GSDMB: variants seen among roughly 807,000 people sequenced by gnomAD.
GSDMB encodes gasdermin-B.
A neutral mutation model predicts 42.9 loss-of-function variants in GSDMB; 32 were observed. That is an observed-to-expected ratio of 0.75 (90% CI 0.56 to 1.00). The LOEUF (loss-of-function observed/expected upper bound fraction) is 1.00. GSDMB is among the 50% of genes least tolerant of loss of function. The pLI is 0.00. For synonymous variants in GSDMB, 175 were observed against 193.7 expected, an observed-to-expected ratio of 0.90 and a Z score of 0.80; for missense variants, 468 against 498.5, an observed-to-expected ratio of 0.94 and a Z score of 0.58.
At chr17:39,916,428 G>A (rs1275833906) in intron 2 of GSDMB, among the ~76,000 whole-genome samples, 13 of 151,462 alleles carry the variant, frequency 8.6e-5, no homozygotes, top group South Asian at 4.2e-4. Context: ...GACTACAGGC[G>A]CATGCCACCA....
intron 1 of GSDMB, chr17:39,917,640 T>C: frequency 3.1e-6 from 1 of 321,738 alleles, no homozygotes; most frequent in Non-Finnish European, 6.0e-6. Flanking sequence ...CTTAAGAAGG[T>C]ACTTTGTAAT....
At position 39,908,034 on chromosome 17, in the gene GSDMB, T is replaced by C. The variant is rs1123644; in HGVS notation, c.700+142A>G. ...ATCCAGACTCTTCAACAGGCTAATT[T>C]TTCCCCTGCGCTTGCCATGGTTCCC... is the stretch of plus-strand genomic sequence containing the variant. On this transcript the variant is annotated intron_variant, in intron 6 of 10. Coordinates refer to ENST00000418519, the MANE Select transcript of GSDMB (RefSeq NM_001165958.2). 2.9e-3 allele frequency: 1,877 copies of C among 649,604 alleles called. 25 individuals are homozygous for C. The African/African-American group carries it at 0.03, about 10-fold the overall frequency. 40.2% of individuals were successfully genotyped at this position (649,604 alleles called of 1,614,324 possible).
In GSDMB at chr17:39,912,467, T is replaced by C. The variant is rs1455118785; in HGVS notation, c.266A>G (p.Asn89Ser). 2.5e-6 allele frequency: 4 copies of C among 1,612,940 alleles called. No homozygotes were observed. Among genetic ancestry groups the C allele is most frequent in the Admixed American group, 1.7e-5 (1 of 60,014 alleles). ...GQKAEFQILD[N>S]VDSTGELIVR... is the part of the protein sequence containing the mutation. Reference sequence around the variant, plus strand: ...TATCAACTCTCCCGTTGAGTCTACATTATCCAGAATTTGAAACTCAGCCTT... The same window carrying C: ...TATCAACTCTCCCGTTGAGTCTACACTATCCAGAATTTGAAACTCAGCCTT... Residue 89 changes from asparagine to serine, a missense_variant, in exon 3 of 11, where the codon AAT (asparagine) becomes AGT (serine). By Grantham distance (46) the Asn-to-Ser change is conservative (BLOSUM62 1). Coordinates refer to ENST00000418519, the MANE Select transcript of GSDMB (RefSeq NM_001165958.2).
At chr17:39,907,149 T>C (rs1348425275) in intron 6 of GSDMB, 162 bp from the exon 7 acceptor site, 2 of 1,462,286 alleles carry the variant, frequency 1.4e-6, no homozygotes, top group African/African-American at 1.4e-5. Flanking sequence ...GGGAAAGCAC[T>C]GTATTTGCAG....
chr17:39,910,559 T>C (rs943249213), intron 3 of GSDMB, among the ~76,000 whole-genome samples: 1 of 151,988 alleles, frequency 6.6e-6, no homozygotes, highest in Non-Finnish European at 1.5e-5. Flanking sequence ...TCAGTGTAAG[T>C]CCAAAGAGAG....
Position 39,909,931 on chromosome 17 carries a change from A to C in GSDMB, c.408-7T>G. ...TAGTTCCCTCTTCAGCTTCCTGGAGAGAGTGGAGAGAGATGAGAGTTAAGG... is the reference window on the plus strand; with the variant it reads ...TAGTTCCCTCTTCAGCTTCCTGGAGCGAGTGGAGAGAGATGAGAGTTAAGG... On this transcript the variant is annotated splice_region_variant and splice_polypyrimidine_tract_variant and intron_variant, in intron 3 of 10. Coordinates refer to ENST00000418519, the MANE Select transcript of GSDMB (RefSeq NM_001165958.2). 1 of 1,610,084 alleles carries C rather than the reference A, an allele frequency of 6.2e-7. No homozygotes were observed. Among genetic ancestry groups the C allele is most frequent in the East Asian group, 2.2e-5 (1 of 44,842 alleles).
chr17:39,906,829 T>G, intron 7 of GSDMB, 132 bp downstream of exon 7: 1 of 1,528,584 alleles, frequency 6.5e-7, no homozygotes, highest in Non-Finnish European at 8.8e-7. Flanking sequence ...AGACTAAAGT[T>G]GAAACCTGCT....
intron 3 of GSDMB, among the ~76,000 whole-genome samples, chr17:39,911,223 T>G (rs539957399): frequency 5.7e-4 from 84 of 148,170 alleles, no homozygotes; most frequent in African/African-American, 2.1e-3. Context: ...CTCGGGAGGT[T>G]GAGGCAGAAG....
In GSDMB at chr17:39,912,319, A is replaced by T. The variant is rs373244890; in HGVS notation, c.407+7T>A. On this transcript the variant is annotated splice_region_variant and intron_variant, in intron 3 of 10. Transcript: ENST00000418519. ...CCTCCTTCCCTGCTGCCCAACTCCAACCTCACCTGTTTTCAAGGGTAGCCA... is the reference window on the plus strand; with the variant it reads ...CCTCCTTCCCTGCTGCCCAACTCCATCCTCACCTGTTTTCAAGGGTAGCCA... 1.2e-5 allele frequency: 20 copies of T among 1,611,506 alleles called. No homozygotes were observed. The African/African-American group carries it at 2.3e-4, about 18-fold the overall frequency.
chr17:39,915,380 T>C (rs755215830), intron 2 of GSDMB, among the ~76,000 whole-genome samples: 5 of 152,218 alleles, frequency 3.3e-5, no homozygotes, highest in Non-Finnish European at 5.9e-5. Flanking sequence ...TTCCCATCAT[T>C]GTAAGGATTT....
intron 3 of GSDMB, among the ~76,000 whole-genome samples, chr17:39,910,383 A>G (rs1241539406): frequency 2.0e-5 from 3 of 152,172 alleles, no homozygotes; most frequent in Non-Finnish European, 4.4e-5. Flanking sequence ...GGAAGATTAC[A>G]ATGTGCCAGC....
At position 39,904,697 on chromosome 17, in the gene GSDMB, T is replaced by A. The variant is rs946400725; in HGVS notation, c.*115A>T. On this transcript the variant is annotated 3_prime_UTR_variant, in exon 11 of 11. Transcript: ENST00000418519. ...CGAATGGGATACATCAAAGAATGGT[T>A]GGCTGCTTGTTTTAAAGAGGTCCCA... is the stretch of plus-strand genomic sequence containing the variant. 4 of 814,050 alleles carry A rather than the reference T, an allele frequency of 4.9e-6. No homozygotes were observed. In the African/African-American group the frequency reaches 6.9e-5, roughly 14 times the overall value. The allele number at this position is 814,050 out of a possible 1,614,324, so 50.4% of individuals were successfully genotyped here. A position where few individuals can be genotyped will look rare whatever the true frequency, so the allele number is the denominator to read the frequency against.
chr17:39,913,801 C>CG (rs1212080459), intron 2 of GSDMB, among the ~76,000 whole-genome samples: 1 of 152,144 alleles, frequency 6.6e-6, no homozygotes, highest in East Asian at 1.9e-4. Flanking sequence ...GAAGGGGCTG[C>CG]GTGCCTTTGT....
At chr17:39,912,579 A>C (rs2063632135) in intron 2 of GSDMB, 82 bp from the exon 3 acceptor site, 3 of 1,098,026 alleles carry the variant, frequency 2.7e-6, no homozygotes, top group Admixed American at 3.7e-5. Context: ...GGGCAGCCCC[A>C]TCCTGGGTTC....
rs9890819 is a variant in GSDMB at position 39,906,734 on chromosome 17, G to A, written c.727+227C>T. 9.1e-4 allele frequency: 1,169 copies of A among 1,286,018 alleles called. 9 individuals are homozygous for A. The African/African-American group carries it at 0.015, about 17-fold the overall frequency. 79.7% of individuals were successfully genotyped at this position (1,286,018 alleles called of 1,614,324 possible). Reference sequence around the variant, plus strand: ...GAGTTTCTGGAGACGGGACTCAGTCGTCACTAGTTTTAAAGTTTCCTGGTG... The same window carrying A: ...GAGTTTCTGGAGACGGGACTCAGTCATCACTAGTTTTAAAGTTTCCTGGTG... On this transcript the variant is annotated intron_variant, in intron 7 of 10. Coordinates refer to ENST00000418519, the MANE Select transcript of GSDMB (RefSeq NM_001165958.2).
intron 5 of GSDMB, among the ~76,000 whole-genome samples, chr17:39,908,643 G>A (rs1448907613): frequency 6.6e-6 from 1 of 152,188 alleles, no homozygotes; most frequent in Admixed American, 6.5e-5. Flanking sequence ...GCCTCCCAAA[G>A]TGCTGGGATT....
In GSDMB at chr17:39,904,788, T is replaced by C; in HGVS notation, c.*24A>G. 1 of 1,609,612 alleles carries C rather than the reference T, an allele frequency of 6.2e-7. No individual in the cohort carries two copies. The highest frequency in any genetic ancestry group is 8.5e-7 in the Non-Finnish European group (1 of 1,176,618). On this transcript the variant is annotated 3_prime_UTR_variant, in exon 11 of 11. Transcript: ENST00000418519. ...CTGGTAAAGGGAAAACCCAGAGGCT[T>C]GTGGGGAGAAAGGGCTTTTGTAGTT...
Position 39,917,320 on chromosome 17 carries a change from G to A in GSDMB, c.-4C>T, listed in dbSNP as rs770099340. On this transcript the variant is annotated 5_prime_UTR_variant, in exon 2 of 11. Coordinates refer to ENST00000418519, the MANE Select transcript of GSDMB (RefSeq NM_001165958.2). ...TTTCCTCAAATACGCTGAACATTGC[G>A]CCTGGACCAACTCAGAAACAGAAGC... is the stretch of plus-strand genomic sequence containing the variant. 2.5e-5 allele frequency: 39 copies of A among 1,583,544 alleles called. No individual in the cohort carries two copies. Among genetic ancestry groups the A allele is most frequent in the African/African-American group, 2.4e-4 (18 of 74,250 alleles).
chr17:39,906,359 A>G, intron 7 of GSDMB, 88 bp from the exon 8 acceptor site: 3 of 1,273,164 alleles, frequency 2.4e-6, no homozygotes, highest in Admixed American at 4.3e-5. Flanking sequence ...TGTCTTCTGG[A>G]GACCACCTCT....
Sources: allele counts gnomAD v4.1 joint callset (sites outside exome capture counted in the v4.1 genomes callset), GRCh38; gene constraint gnomAD v4.1.1; transcripts MANE v1.5; gene names NCBI Gene and HGNC (gene_info 2026-07-23, HGNC 2026-07-21).